The following LMBR1 variants were observed in gnomAD, a reference collection of about 807,000 sequenced individuals.
The protein encoded by LMBR1 is limb region 1 protein homolog.
A neutral mutation model predicts 73.9 loss-of-function variants in LMBR1; 52 were observed. The observed-to-expected ratio is 0.70, with a 90% CI of 0.56 to 0.89. The LOEUF is 0.89. LMBR1 is among the 40% of genes least tolerant of loss of function. The pLI is 0.00. For synonymous variants in LMBR1, 215 were observed against 209.4 expected (o/e 1.03, Z -0.23); for missense variants, 539 against 579.8 (o/e 0.93, Z 0.72).
intron 5 of LMBR1, among the ~76,000 whole-genome samples, chr7:156,792,783 G>A (rs1020356181): frequency 4.6e-5 from 7 of 152,270 alleles, no homozygotes; most frequent in East Asian, 1.9e-4. Flanking sequence ...TCCGCATCTC[G>A]GCACAATATG....
intron 15 of LMBR1, among the ~76,000 whole-genome samples, chr7:156,708,586 T>C (rs1811456805): frequency 6.6e-6 from 1 of 151,622 alleles, no homozygotes; most frequent in South Asian, 2.1e-4. Context: ...GGTTACAGGA[T>C]GAAAGAAGCT....
At chr7:156,856,859 G>C (rs184201426) in intron 1 of LMBR1, among the ~76,000 whole-genome samples, 9 of 151,988 alleles carry the variant, frequency 5.9e-5, no homozygotes, top group African/African-American at 2.2e-4. Context: ...CTCTAGATAA[G>C]TGAAATGAAT....
chr7:156,680,403 A>AGAGAGAGAGTGT lies in LMBR1; in HGVS notation c.*3674_*3675insACACTCTCTCTC, dbSNP rs1343950098. 4.0e-5 allele frequency: 5 copies of AGAGAGAGAGTGT among 125,070 alleles called. No homozygotes were observed. The highest frequency in any genetic ancestry group is 1.2e-4 in the African/African-American group (4 of 32,562). The allele number at this position is 125,070 out of a possible 1,614,324, so 7.7% of individuals were successfully genotyped here. A position where few individuals can be genotyped will look rare whatever the true frequency, so the allele number is the denominator to read the frequency against. ...GAGAGAGAGAGAGAGAGAGAGAGAG[A>AGAGAGAGAGTGT]GTGTGTGTGTGTGTGTGTGTGTAAT... On this transcript the variant is annotated 3_prime_UTR_variant, in exon 17 of 17. Transcript: ENST00000353442.
intron 5 of LMBR1, among the ~76,000 whole-genome samples, chr7:156,777,397 C>T (rs1183601327): frequency 6.6e-6 from 1 of 152,192 alleles, no homozygotes; most frequent in African/African-American, 2.4e-5. Flanking sequence ...CTACTGTTTC[C>T]ATTTCTAATT....
At chr7:156,723,964 A>C (rs750181508) in intron 15 of LMBR1, 148 bp downstream of exon 15, 5 of 579,586 alleles carry the variant, frequency 8.6e-6, no homozygotes, top group African/African-American at 5.7e-5. Flanking sequence ...GCCCCTATAC[A>C]TAAAGTATAG....
chr7:156,728,262 T>C (rs537787003), intron 11 of LMBR1, among the ~76,000 whole-genome samples: 3 of 152,198 alleles, frequency 2.0e-5, no homozygotes, highest in East Asian at 3.8e-4. Context: ...ATCTCACCAA[T>C]TGGAAACACA....
intron 4 of LMBR1, among the ~76,000 whole-genome samples, chr7:156,817,993 A>G (rs1586003883): frequency 6.6e-6 from 1 of 152,314 alleles, no homozygotes; most frequent in East Asian, 1.9e-4. Flanking sequence ...GTAATGTTAT[A>G]AACAATACCT....
At position 156,728,027 on chromosome 7, in the gene LMBR1, C is replaced by T. The variant is rs1816112336; in HGVS notation, c.916-20G>A. ...GATGGACTACAAGACAAACAGCAAA[C>T]TGTCAGCTCTCAAGATTTTTCACCA... On this transcript the variant is annotated intron_variant, in intron 11 of 16. Transcript: ENST00000353442. 6.3e-7 allele frequency: 1 copy of T among 1,584,076 alleles called. No individual in the cohort carries two copies. The highest frequency in any genetic ancestry group is 1.7e-5 in the Admixed American group (1 of 59,400).
chr7:156,716,665 T>G (rs1940072838), intron 15 of LMBR1, among the ~76,000 whole-genome samples: 1 of 152,208 alleles, frequency 6.6e-6, no homozygotes, highest in African/African-American at 2.4e-5. Flanking sequence ...TTTGATGTCT[T>G]CTTTCTCTAT....
chr7:156,779,395 T>C (rs1000103023), intron 5 of LMBR1, among the ~76,000 whole-genome samples: 3 of 152,268 alleles, frequency 2.0e-5, no homozygotes, highest in African/African-American at 7.2e-5. Flanking sequence ...GAGTAAGCTA[T>C]AGAATTAATC....
chr7:156,763,219 T>C (rs774410964), intron 6 of LMBR1, 43 bp from the exon 7 acceptor site: 10 of 814,494 alleles, frequency 1.2e-5, no homozygotes, highest in Non-Finnish European at 1.9e-5. Flanking sequence ...TCCAAAATAC[T>C]GCACATTAAG....
chr7:156,763,636 T>C (rs890275011), intron 6 of LMBR1, 33 bp downstream of exon 6: 2 of 1,537,152 alleles, frequency 1.3e-6, no homozygotes, highest in African/African-American at 2.9e-5. Context: ...CAGTTTCCAG[T>C]AAGGAAACTG....
At chr7:156,764,631 A>G (rs1194753905) in intron 5 of LMBR1, among the ~76,000 whole-genome samples, 1 of 152,260 alleles carries the variant, frequency 6.6e-6, no homozygotes, top group African/African-American at 2.4e-5. Context: ...CAACAAAATT[A>G]TAAATACATC....
At chr7:156,826,048 C>T (rs757541883) in intron 4 of LMBR1, among the ~76,000 whole-genome samples, 6 of 152,220 alleles carry the variant, frequency 3.9e-5, no homozygotes, top group Non-Finnish European at 5.9e-5. Context: ...GGTGCGATCA[C>T]GGCTCACTGC....
chr7:156,705,804 AG>A (rs1462163183), intron 15 of LMBR1, among the ~76,000 whole-genome samples: 1 of 152,216 alleles, frequency 6.6e-6, no homozygotes, highest in African/African-American at 2.4e-5. Context: ...GAGAAAGAGA[AG>A]GGAATCCAAT....
intron 4 of LMBR1, among the ~76,000 whole-genome samples, chr7:156,804,049 G>C (rs144948055): frequency 0.031 from 4,734 of 151,494 alleles, 119 homozygotes; most frequent in South Asian, 0.082. Flanking sequence ...TGCTAAATGA[G>C]GAGATGATGG....
intron 1 of LMBR1, among the ~76,000 whole-genome samples, chr7:156,843,614 C>G (rs6967605): frequency 0.46 from 69,178 of 151,778 alleles, 15,990 homozygotes; most frequent in East Asian, 0.61. Context: ...GGGAGGCTAA[C>G]GCAGTTGGAT....
intron 8 of LMBR1, among the ~76,000 whole-genome samples, chr7:156,757,316 T>A (rs1254203716): frequency 6.6e-6 from 1 of 152,254 alleles, no homozygotes; most frequent in Admixed American, 6.5e-5. Context: ...ACTTTCCATT[T>A]ATATCATCTT....
At chr7:156,877,614 T>A (rs1376383590) in intron 1 of LMBR1, among the ~76,000 whole-genome samples, 1 of 152,120 alleles carries the variant, frequency 6.6e-6, no homozygotes, top group African/African-American at 2.4e-5. Flanking sequence ...CCGGGCGCGG[T>A]GGCTCATGCC....
Sources: gnomAD v4.1 joint callset for allele counts (sites outside exome capture counted in the v4.1 genomes callset) on GRCh38, gnomAD v4.1.1 for gene constraint, MANE v1.5 for transcripts, NCBI Gene and HGNC (gene_info 2026-07-23, HGNC 2026-07-21) for gene names.